The following ERCC6L2 variants were observed in gnomAD, a reference collection of about 807,000 sequenced individuals.
The protein encoded by ERCC6L2 is DNA excision repair protein ERCC-6-like 2.
In ERCC6L2, 77 loss-of-function variants were observed where a neutral mutation model predicts 132.0. The ratio of observed to expected loss-of-function variants is 0.58; its 90% CI spans 0.49 to 0.71. The LOEUF (loss-of-function observed/expected upper bound fraction) is 0.71, where lower values mean the gene tolerates loss of function less well. Ranked by LOEUF, ERCC6L2 falls within the 30% of genes least tolerant of loss-of-function variation. The pLI is 0.00. For missense variants in ERCC6L2, 1,542 were observed against 1,837.6 expected (o/e 0.84, Z 2.94); for synonymous variants, 583 against 632.4 (o/e 0.92, Z 1.17).
rs186416411 is a variant in ERCC6L2 at position 95,904,760 on chromosome 9, C to T, written c.595-2318C>T. 3.3e-3 allele frequency among the ~76,000 whole-genome samples: 498 copies of T among 152,280 alleles called. 16 individuals are homozygous for T. Among genetic ancestry groups the T allele is most frequent in the Admixed American group, 0.03 (461 of 15,290 alleles). On this transcript the variant is annotated intron_variant, in intron 3 of 18. Coordinates refer to ENST00000653738, the MANE Select transcript of ERCC6L2 (RefSeq NM_020207.7). ...GAGTATCTCATCACAGTCCACACTA[C>T]ATCATTCTTCTATGCCGTGGTTCCT... is the stretch of plus-strand genomic sequence containing the variant.
rs187065029 is a variant in ERCC6L2 at position 95,931,839 on chromosome 9, C to T, written c.1751+2975C>T. On this transcript the variant is annotated intron_variant, in intron 11 of 18. Coordinates refer to ENST00000653738, the MANE Select transcript of ERCC6L2 (RefSeq NM_020207.7). ...GTACAGTAGGCTTGTATTCTGAAGG[C>T]TTATGTTCTTTTTCAACTCTGGAAA... Among the ~76,000 whole-genome samples the T allele has an allele frequency of 3.6e-3, 548 of 151,516 alleles. 6 individuals carry two copies. The highest frequency in any genetic ancestry group is 0.013 in the African/African-American group (524 of 41,368).
At chr9:95,900,316 A>G (rs1307765972) in intron 3 of ERCC6L2, among the ~76,000 whole-genome samples, 2 of 151,914 alleles carry the variant, frequency 1.3e-5, no homozygotes, top group Non-Finnish European at 1.5e-5. Context: ...TGAGCCCAGG[A>G]GTTCTAGGCT....
At chr9:95,970,234 T>C (rs1425351691) in intron 14 of ERCC6L2, among the ~76,000 whole-genome samples, 1 of 152,152 alleles carries the variant, frequency 6.6e-6, no homozygotes, top group Non-Finnish European at 1.5e-5. Flanking sequence ...TGTATGGGAA[T>C]GGTTGTTATG....
intron 4 of ERCC6L2, among the ~76,000 whole-genome samples, chr9:95,910,858 A>G (rs1237376250): frequency 6.6e-6 from 1 of 152,170 alleles, no homozygotes; most frequent in African/African-American, 2.4e-5. Flanking sequence ...TTCACAACTA[A>G]GTCAGTGGCA....
In ERCC6L2 at chr9:96,012,809, T is replaced by C. The variant is rs1484265888; in HGVS notation, c.4259T>C (p.Leu1420Ser). The C allele has an allele frequency of 2.9e-6, 4 of 1,367,386 alleles. No individual in the cohort carries two copies. Among genetic ancestry groups the C allele is most frequent in the Non-Finnish European group, 3.9e-6 (4 of 1,021,834 alleles). The allele number at this position is 1,367,386 out of a possible 1,614,324, so 84.7% of individuals were successfully genotyped here. Residue 1420 changes from leucine (L) to serine (S), a missense_variant, in exon 19 of 19, where the codon TTG becomes TCG. Around this residue, in one of 4 missense-constraint regions of ERCC6L2, gnomAD observed 442 missense variants for 583.4 expected, o/e 0.76. Coordinates refer to ENST00000653738, the MANE Select transcript of ERCC6L2 (RefSeq NM_020207.7). ...GISRKEPLLK[L>S]ENKKIENPVL... ...TCAAGAAAAGAACCCCTTCTCAAAT[T>C]GGAAAACAAAAAGATAGAAAATCCA...
chr9:95,949,466 T>C (rs1244509228), intron 12 of ERCC6L2, among the ~76,000 whole-genome samples: 1 of 152,046 alleles, frequency 6.6e-6, no homozygotes, highest in Non-Finnish European at 1.5e-5. Context: ...CAACATGTCA[T>C]GTACAAGGAA....
chr9:95,895,208 C>T (rs1237491640), intron 2 of ERCC6L2, among the ~76,000 whole-genome samples: 1 of 151,856 alleles, frequency 6.6e-6, no homozygotes, highest in African/African-American at 2.4e-5. Flanking sequence ...TTTCATAATG[C>T]TTTTTTGTCT....
intron 2 of ERCC6L2, among the ~76,000 whole-genome samples, chr9:95,895,184 G>A (rs893003140): frequency 6.6e-6 from 1 of 151,972 alleles, no homozygotes. Context: ...TTAAGTTAAA[G>A]TGTGCCTCTT....
At chr9:95,906,425 G>A (rs1287787258) in intron 3 of ERCC6L2, among the ~76,000 whole-genome samples, 1 of 152,118 alleles carries the variant, frequency 6.6e-6, no homozygotes, top group Non-Finnish European at 1.5e-5. Flanking sequence ...GAAGGAATGG[G>A]AGCCACTGTA....
intron 2 of ERCC6L2, among the ~76,000 whole-genome samples, chr9:95,889,241 A>C (rs964035194): frequency 6.6e-6 from 1 of 152,200 alleles, no homozygotes; most frequent in African/African-American, 2.4e-5. Context: ...TTAAGATCGT[A>C]TATCACCTTG....
chr9:95,906,775 CT>C (rs1829059770), intron 3 of ERCC6L2: 4 of 473,644 alleles, frequency 8.4e-6, no homozygotes, highest in Non-Finnish European at 1.6e-5. Context: ...TCTTTTCTCT[CT>C]TTTGGAAAGT....
In ERCC6L2 at chr9:95,875,879, C is replaced by T. The variant is rs1827223638; in HGVS notation, c.-160C>T. ...TTAGTCGCTACCTTTGCTGGGATCC[C>T]CCTCCTCCATCCTGTGGCTTCGGGT... On this transcript the variant is annotated 5_prime_UTR_variant, in exon 1 of 19. Coordinates refer to ENST00000653738, the MANE Select transcript of ERCC6L2 (RefSeq NM_020207.7). 4 of 697,736 alleles carry T rather than the reference C, an allele frequency of 5.7e-6. No individual in the cohort carries two copies. The highest frequency in any genetic ancestry group is 4.8e-6 in the Non-Finnish European group (2 of 413,092). The allele number at this position is 697,736 out of a possible 1,614,324, so 43.2% of individuals were successfully genotyped here. A position where few individuals can be genotyped will look rare whatever the true frequency, so the allele number is the denominator to read the frequency against.
At position 95,972,226 on chromosome 9, in the gene ERCC6L2, A is replaced by T. The variant is rs1426466790; in HGVS notation, c.2475A>T (p.Thr825=). Residue 825 remains threonine, a synonymous_variant, in exon 16 of 19, where the codon ACA becomes ACT. Coordinates refer to ENST00000653738, the MANE Select transcript of ERCC6L2 (RefSeq NM_020207.7). The part of the protein sequence containing the change: ...SDDESSDEQP[T]CLSTEAKDAG... ...ATGAAAGTTCTGATGAGCAGCCCAC[A>T]TGCCTTTCAACAGAAGCCAAAGATG... The T allele has an allele frequency of 4.6e-6, 6 of 1,304,248 alleles. No homozygotes were observed. In the Middle Eastern group the frequency reaches 1.1e-3, roughly 231 times the overall value. 80.8% of individuals were successfully genotyped at this position (1,304,248 alleles called of 1,614,324 possible).
chr9:95,934,585 A>G (rs927786772), intron 11 of ERCC6L2, among the ~76,000 whole-genome samples: 1 of 151,946 alleles, frequency 6.6e-6, no homozygotes, highest in African/African-American at 2.4e-5. Flanking sequence ...TGTCAAAAAG[A>G]CTCTGTAGCA....
At chr9:96,037,807 A>G (rs2133274020) in intron 19 of ERCC6L2, among the ~76,000 whole-genome samples, 1 of 152,208 alleles carries the variant, frequency 6.6e-6, no homozygotes, top group South Asian at 2.1e-4. Flanking sequence ...TGGCAGGGAG[A>G]AGGAGGAGCC....
chr9:95,890,773 T>C (rs1828117497), intron 2 of ERCC6L2, among the ~76,000 whole-genome samples: 1 of 152,032 alleles, frequency 6.6e-6, no homozygotes, highest in African/African-American at 2.4e-5. Context: ...GCTCAAGTGA[T>C]CCTCCCCACC....
rs1830189619 is a variant in ERCC6L2, at chr9:95,928,365, T to G, written c.1605+215T>G. On this transcript the variant is annotated intron_variant, in intron 10 of 18. Transcript: ENST00000653738. Reference sequence around the variant, plus strand: ...TCAAACTCAAAGATAGATTTTTATTTTCTGTTGATGTTCTTAATAATTACA... The same window carrying G: ...TCAAACTCAAAGATAGATTTTTATTGTCTGTTGATGTTCTTAATAATTACA... The G allele has an allele frequency of 2.5e-5, 11 of 439,280 alleles. No individual in the cohort carries two copies. The South Asian group carries it at 6.3e-4, about 25-fold the overall frequency. 27.2% of individuals were successfully genotyped at this position (439,280 alleles called of 1,614,324 possible).
intron 17 of ERCC6L2, among the ~76,000 whole-genome samples, chr9:95,996,077 C>T (rs1459364770): frequency 5.3e-5 from 8 of 152,310 alleles, no homozygotes; most frequent in Admixed American, 5.2e-4. Context: ...AAACTAGGCA[C>T]CTGTGCCTAA....
chr9:95,886,626 C>T (rs1381365999), intron 2 of ERCC6L2, among the ~76,000 whole-genome samples: 1 of 152,152 alleles, frequency 6.6e-6, no homozygotes, highest in Non-Finnish European at 1.5e-5. Flanking sequence ...TAAGTACTCA[C>T]TCTGGGCCAG....
Sources: allele counts gnomAD v4.1 joint callset (sites outside exome capture counted in the v4.1 genomes callset), GRCh38; gene constraint gnomAD v4.1.1; regional missense constraint gnomAD v4.1.1; transcripts MANE v1.5; gene names NCBI Gene and HGNC (gene_info 2026-07-23, HGNC 2026-07-21).